Variants in FSD1L observed in about 807,000 individuals in gnomAD.
FSD1L encodes fibronectin type III and SPRY domain containing 1 like.
A neutral mutation model predicts 71.6 loss-of-function variants in FSD1L; 45 were observed. The ratio of observed to expected loss-of-function variants is 0.63; its 90% CI spans 0.49 to 0.81. The LOEUF (loss-of-function observed/expected upper bound fraction) is 0.81. Among genes scored for constraint, FSD1L ranks in the 30% least tolerant of loss-of-function variants. The pLI is 0.00. For synonymous variants in FSD1L, 197 were observed against 207.2 expected (o/e 0.95, Z 0.42); for missense variants, 561 against 618.1 (o/e 0.91, Z 0.98).
intron 10 of FSD1L, chr9:105,524,752 G>A: frequency 6.2e-7 from 1 of 1,611,992 alleles, no homozygotes. Context: ...ATGCAGCATG[G>A]ATTAATCTCT....
At chr9:105,486,080 G>A (rs1295212007) in intron 7 of FSD1L, among the ~76,000 whole-genome samples, 1 of 150,184 alleles carries the variant, frequency 6.7e-6, no homozygotes, top group African/African-American at 2.5e-5. Flanking sequence ...AACCTAGGAA[G>A]GGGGTAGCAC....
At chr9:105,452,312 G>A (rs1219576830) in intron 1 of FSD1L, among the ~76,000 whole-genome samples, 1 of 152,160 alleles carries the variant, frequency 6.6e-6, no homozygotes, top group African/African-American at 2.4e-5. Flanking sequence ...AAAGAGGAAT[G>A]AAATTTGATT....
the FSD1L span, among the ~76,000 whole-genome samples, chr9:105,442,221 A>C: frequency 7.9e-5 from 12 of 152,306 alleles, no homozygotes; most frequent in Non-Finnish European, 1.5e-4. Flanking sequence ...CCCAGGAAGA[A>C]GTGGGGCTTC....
At chr9:105,466,709 A>T (rs574509523) in intron 3 of FSD1L, among the ~76,000 whole-genome samples, 33 of 151,012 alleles carry the variant, frequency 2.2e-4, no homozygotes, top group East Asian at 2.0e-3. Flanking sequence ...AAAAAAAAAT[A>T]ATTATTTTAG....
intron 2 of FSD1L, among the ~76,000 whole-genome samples, chr9:105,462,422 T>C (rs1014361211): frequency 6.6e-6 from 1 of 151,818 alleles, no homozygotes; most frequent in Non-Finnish European, 1.5e-5. Context: ...GGTTTCGCCA[T>C]GTTGGCCAGG....
Position 105,448,206 on chromosome 9 carries a change from G to T in FSD1L, c.-15G>T. ...GTCGTCTCGGGTTCGAGCCCAGTGG[G>T]CTTAGCCACTCGCCATGGACTCCCA... is the stretch of plus-strand genomic sequence containing the variant. On this transcript the variant is annotated 5_prime_UTR_variant, in exon 1 of 14. Coordinates refer to ENST00000481272, the MANE Select transcript of FSD1L (RefSeq NM_001145313.3). 6.5e-7 allele frequency: 1 copy of T among 1,541,332 alleles called. No homozygotes were observed. Among genetic ancestry groups the T allele is most frequent in the South Asian group, 1.2e-5 (1 of 83,866 alleles).
At chr9:105,500,322 T>A (rs911053033) in intron 7 of FSD1L, among the ~76,000 whole-genome samples, 12 of 152,282 alleles carry the variant, frequency 7.9e-5, no homozygotes, top group Admixed American at 7.8e-4. Context: ...GTCTCAGTCT[T>A]TTGGTGAGCC....
intron 10 of FSD1L, 26 bp downstream of exon 10, chr9:105,512,962 T>A: frequency 1.3e-6 from 2 of 1,491,246 alleles, no homozygotes; most frequent in Non-Finnish European, 1.8e-6. Context: ...AAATCTGCCA[T>A]ATGGACAAAT....
In FSD1L at chr9:105,479,026, G is replaced by A. The variant is rs972350624; in HGVS notation, c.442-328G>A. ...GGAGATTGGTTGCTCTAGTTGATGA[G>A]TATCAGACTGAATGAAAGTGGAGGT... On this transcript the variant is annotated intron_variant, in intron 5 of 13. Coordinates refer to ENST00000481272, the MANE Select transcript of FSD1L (RefSeq NM_001145313.3). Among the ~76,000 whole-genome samples the A allele has an allele frequency of 3.9e-5, 6 of 152,170 alleles. No individual in the cohort carries two copies. The East Asian group carries it at 9.6e-4, about 24-fold the overall frequency.
At chr9:105,507,283 A>AT (rs1834113919) in intron 8 of FSD1L, among the ~76,000 whole-genome samples, 1 of 152,218 alleles carries the variant, frequency 6.6e-6, no homozygotes, top group Admixed American at 6.5e-5. Context: ...GAAAGCCTTT[A>AT]TAAGAATGTC....
intron 7 of FSD1L, among the ~76,000 whole-genome samples, chr9:105,497,861 A>G (rs904022491): frequency 3.3e-5 from 5 of 151,688 alleles, no homozygotes; most frequent in African/African-American, 1.2e-4. Flanking sequence ...GTTTGTTTTT[A>G]GAGATAGAGT....
chr9:105,472,131 G>A (rs1364534202), intron 5 of FSD1L, 126 bp downstream of exon 5: 1 of 1,157,524 alleles, frequency 8.6e-7, no homozygotes, highest in African/African-American at 1.6e-5. Context: ...GGGGTTTCTT[G>A]ATAAGTAAAA....
At chr9:105,471,104 A>G (rs146324971) in intron 4 of FSD1L, among the ~76,000 whole-genome samples, 1 of 152,314 alleles carries the variant, frequency 6.6e-6, no homozygotes, top group Non-Finnish European at 1.5e-5. Context: ...ACCCTAGCTC[A>G]TACTGCATAT....
intron 7 of FSD1L, among the ~76,000 whole-genome samples, chr9:105,495,097 C>T (rs1039416724): frequency 6.6e-6 from 1 of 152,204 alleles, no homozygotes; most frequent in African/African-American, 2.4e-5. Flanking sequence ...TGCCCTGCCC[C>T]CAGAGGTGGA....
intron 7 of FSD1L, among the ~76,000 whole-genome samples, chr9:105,493,335 T>G (rs1166884408): frequency 6.6e-6 from 1 of 152,140 alleles, no homozygotes; most frequent in South Asian, 2.1e-4. Flanking sequence ...CTGCCTTTTT[T>G]AGTTTTCCAT....
chr9:105,523,765 A>G (rs954577879), intron 10 of FSD1L: 24 of 1,597,352 alleles, frequency 1.5e-5, no homozygotes, highest in Non-Finnish European at 1.9e-5. Flanking sequence ...TTTCTAACAC[A>G]TTTCTACAAT....
rs568242497 is a variant in FSD1L, at chr9:105,474,275, A to G, written c.441+2270A>G. 2.6e-4 allele frequency among the ~76,000 whole-genome samples: 39 copies of G among 152,324 alleles called. 1 individual carries two copies. The South Asian group carries it at 6.6e-3, about 26-fold the overall frequency. On this transcript the variant is annotated intron_variant, in intron 5 of 13. Transcript: ENST00000481272. ...TTGTGTATCTCAACATAGAAAGGGT[A>G]TAGTAAAAATACAGTATTATAATTT...
intron 1 of FSD1L, among the ~76,000 whole-genome samples, 168 bp from the exon 2 acceptor site, chr9:105,461,352 C>T (rs1399074237): frequency 2.0e-5 from 3 of 150,522 alleles, no homozygotes; most frequent in African/African-American, 4.9e-5. Flanking sequence ...TTGAACACTC[C>T]GTACCAAAAA....
intron 3 of FSD1L, among the ~76,000 whole-genome samples, chr9:105,465,170 TG>T (rs1279567429): frequency 6.6e-6 from 1 of 152,196 alleles, no homozygotes; most frequent in Non-Finnish European, 1.5e-5. Context: ...CAAGATAATC[TG>T]GTTGCTAGAA....
Sources: allele counts gnomAD v4.1 joint callset (sites outside exome capture counted in the v4.1 genomes callset), GRCh38; gene constraint gnomAD v4.1.1; transcripts MANE v1.5; gene names NCBI Gene and HGNC (gene_info 2026-07-23, HGNC 2026-07-21).